Variants in GRIN2A observed in about 807,000 individuals in gnomAD.
GRIN2A encodes glutamate ionotropic receptor NMDA type subunit 2A.
In GRIN2A, 22 loss-of-function variants were observed where a neutral mutation model predicts 113.4. That is an observed-to-expected ratio of 0.19 (90% CI 0.14 to 0.28). GRIN2A has a LOEUF of 0.28. Among genes scored for constraint, GRIN2A ranks in the 10% least tolerant of loss-of-function variants. The probability of loss-of-function intolerance (pLI) is 1.00; values close to 1 mark genes in which losing one functional copy is unlikely to be tolerated. For synonymous variants in GRIN2A, 827 were observed against 738.4 expected (o/e 1.12, Z -1.94); for missense variants, 1,502 against 1,887.0 (o/e 0.80, Z 3.78).
rs565476207 is a variant in GRIN2A, at chr16:9,755,118, G to A, written c.*8031C>T. On this transcript the variant is annotated 3_prime_UTR_variant, in exon 13 of 13. Coordinates refer to ENST00000330684, the MANE Select transcript of GRIN2A (RefSeq NM_001134407.3). Reference sequence around the variant, plus strand: ...AGGATTGCAAAAATGCAAACTCATTGTTTCACTGACATAGTAAGTAAGAGA... The same window carrying A: ...AGGATTGCAAAAATGCAAACTCATTATTTCACTGACATAGTAAGTAAGAGA... The A allele has an allele frequency of 9.1e-5, 18 of 198,150 alleles. No homozygotes were observed. Among genetic ancestry groups the A allele is most frequent in the African/African-American group, 3.7e-4 (16 of 43,480 alleles). 12.3% of individuals were successfully genotyped at this position (198,150 alleles called of 1,614,324 possible).
intron 2 of GRIN2A, among the ~76,000 whole-genome samples, chr16:10,003,627 TC>T (rs1392134105): frequency 6.6e-6 from 1 of 152,154 alleles, no homozygotes; most frequent in African/African-American, 2.4e-5. Context: ...GCAATGAGAC[TC>T]CCACTTTATA....
At chr16:10,041,521 A>G (rs1173449374) in intron 2 of GRIN2A, among the ~76,000 whole-genome samples, 1 of 152,218 alleles carries the variant, frequency 6.6e-6, no homozygotes, top group African/African-American at 2.4e-5. Flanking sequence ...TCTTTAAAAC[A>G]CAAGTATCTC....
intron 2 of GRIN2A, among the ~76,000 whole-genome samples, chr16:10,147,823 A>G (rs1406826019): frequency 6.6e-6 from 1 of 152,044 alleles, no homozygotes; most frequent in Non-Finnish European, 1.5e-5. Context: ...TTTATAGCAA[A>G]AATGATCTAG....
intron 2 of GRIN2A, chr16:10,179,517 C>G (rs1339867613): frequency 1.1e-5 from 2 of 180,576 alleles, no homozygotes; most frequent in Non-Finnish European, 2.4e-5. Flanking sequence ...TCTTCCAGAA[C>G]CTACCCACAT....
chr16:9,866,576 C>T (rs1048879006), intron 4 of GRIN2A, among the ~76,000 whole-genome samples: 6 of 152,236 alleles, frequency 3.9e-5, no homozygotes, highest in East Asian at 1.9e-4. Context: ...TGGCAATTGG[C>T]CTTGGGAAAT....
chr16:10,148,993 A>ACCCAT (rs1567333746), intron 2 of GRIN2A, among the ~76,000 whole-genome samples: 1 of 152,214 alleles, frequency 6.6e-6, no homozygotes, highest in Non-Finnish European at 1.5e-5. Flanking sequence ...ACATGTTCTC[A>ACCCAT]CCCATCTGTG....
At chr16:9,792,201 T>C (rs1902650906) in intron 11 of GRIN2A, among the ~76,000 whole-genome samples, 1 of 151,902 alleles carries the variant, frequency 6.6e-6, no homozygotes, top group African/African-American at 2.4e-5. Flanking sequence ...CCAGGCAACA[T>C]TGGTTGAGTT....
intron 2 of GRIN2A, among the ~76,000 whole-genome samples, chr16:10,151,826 G>A (rs561306210): frequency 3.3e-5 from 5 of 152,232 alleles, no homozygotes; most frequent in East Asian, 3.9e-4. Flanking sequence ...TGTTATAAAC[G>A]AAAGAATCTG....
intron 2 of GRIN2A, among the ~76,000 whole-genome samples, chr16:10,108,433 G>C (rs1376814553): frequency 1.3e-5 from 2 of 152,202 alleles, no homozygotes; most frequent in Non-Finnish European, 2.9e-5. Context: ...GATGAGATTT[G>C]AGTGGGGACA....
At chr16:9,807,645 C>T (rs1293371078) in intron 10 of GRIN2A, among the ~76,000 whole-genome samples, 1 of 152,130 alleles carries the variant, frequency 6.6e-6, no homozygotes, top group African/African-American at 2.4e-5. Context: ...CCAGTCTCTT[C>T]ATTTTTCAGA....
At chr16:9,772,161 C>T (rs965329776) in intron 11 of GRIN2A, among the ~76,000 whole-genome samples, 1 of 152,138 alleles carries the variant, frequency 6.6e-6, no homozygotes, top group East Asian at 1.9e-4. Context: ...TTTCTTCCAA[C>T]AGCCTCCCAT....
At chr16:9,885,713 C>T (rs1255856314) in intron 4 of GRIN2A, among the ~76,000 whole-genome samples, 2 of 146,530 alleles carry the variant, frequency 1.4e-5, no homozygotes, top group African/African-American at 5.1e-5. Context: ...GCTGTACCAG[C>T]GTGTAGTGCT....
In GRIN2A at chr16:10,180,721, A is replaced by G. The variant is rs1441395582; in HGVS notation, c.-18-292T>C. ...CTTCCCCATCCCCATCTCTGTCCAT[A>G]TCCCCCACCGCATTCCCCAAGTTCG... On this transcript the variant is annotated intron_variant, in intron 1 of 12. Transcript: ENST00000330684. This position sits in a 1 kb window ranked among gnomAD's most constrained non-coding sequence, Gnocchi z 7.0. 9.5e-6 allele frequency: 5 copies of G among 527,410 alleles called. No homozygotes were observed. The highest frequency in any genetic ancestry group is 1.4e-5 in the Non-Finnish European group (4 of 292,064). The allele number at this position is 527,410 out of a possible 1,614,324, so 32.7% of individuals were successfully genotyped here.
intron 2 of GRIN2A, among the ~76,000 whole-genome samples, chr16:9,955,734 G>A (rs912719086): frequency 1.3e-5 from 2 of 152,168 alleles, no homozygotes; most frequent in Non-Finnish European, 2.9e-5. Flanking sequence ...TTTTGGTTTT[G>A]TTTTGGTTTA....
At chr16:10,071,415 C>T (rs1183053993) in intron 2 of GRIN2A, among the ~76,000 whole-genome samples, 2 of 152,138 alleles carry the variant, frequency 1.3e-5, no homozygotes, top group Non-Finnish European at 2.9e-5. Flanking sequence ...AGGAGTCTTA[C>T]GGGACGAGCC....
intron 4 of GRIN2A, among the ~76,000 whole-genome samples, chr16:9,890,150 T>A (rs1184112892): frequency 5.3e-5 from 8 of 152,200 alleles, no homozygotes; most frequent in African/African-American, 1.7e-4. Flanking sequence ...AATTTCAAGA[T>A]GCTAAAGTAG....
chr16:9,885,767 C>T (rs1028744846), intron 4 of GRIN2A, among the ~76,000 whole-genome samples: 2 of 152,162 alleles, frequency 1.3e-5, no homozygotes, highest in Non-Finnish European at 2.9e-5. Context: ...TTTACCTGCT[C>T]CACTGGCTTT....
rs201002710 is a variant in GRIN2A, at chr16:9,938,084, G to A, written c.882C>T (p.Asp294=). 48 of 1,613,766 alleles carry A rather than the reference G, an allele frequency of 3.0e-5. No homozygotes were observed. The highest frequency in any genetic ancestry group is 8.9e-5 in the East Asian group (4 of 44,824). ...CAGCGGTGGTTAGGATGCCAATGCC[G>A]TCCCTCACTCTCGCCTCCAGGCTGT... The part of the protein sequence containing the change: ...WDYSLEARVR[D]GIGILTTAAS... Residue 294 remains aspartate (D), a synonymous_variant, in exon 3 of 13, where the codon GAC becomes GAT. Transcript: ENST00000330684.
intron 2 of GRIN2A, among the ~76,000 whole-genome samples, chr16:10,166,436 G>T (rs544678043): frequency 5.9e-5 from 9 of 152,148 alleles, no homozygotes; most frequent in Non-Finnish European, 1.3e-4. Context: ...TCCCTCTACA[G>T]CTCATCTTCA....
Sources: gnomAD v4.1 joint callset for allele counts (sites outside exome capture counted in the v4.1 genomes callset) on GRCh38, gnomAD v4.1.1 for gene constraint, Gnocchi (gnomAD v3.1) non-coding constraint, MANE v1.5 for transcripts, NCBI Gene and HGNC (gene_info 2026-07-23, HGNC 2026-07-21) for gene names.